TSC2: variants seen among roughly 807,000 people sequenced by gnomAD.
The protein encoded by TSC2 is TSC complex subunit 2.
TSC2 carries 29 observed loss-of-function variants against 202.2 expected under a neutral mutation model. That is an observed-to-expected ratio of 0.14 (90% confidence interval 0.11 to 0.20). The LOEUF is 0.20. Ranked by LOEUF, TSC2 falls within the 10% of genes least tolerant of loss-of-function variation. The probability of loss-of-function intolerance (pLI) is 1.00; values close to 1 mark genes in which losing one functional copy is unlikely to be tolerated. For synonymous variants in TSC2, 1,349 were observed against 1,044.0 expected, an observed-to-expected ratio of 1.29 and a Z score of -5.63; for missense variants, 2,429 against 2,420.0, an observed-to-expected ratio of 1.00 and a Z score of -0.08.
rs916478171 is a variant in TSC2, at chr16:2,079,727, G to C, written c.3397+58G>C. 2.0e-6 allele frequency: 3 copies of C among 1,516,800 alleles called. No homozygotes were observed. The African/African-American group carries it at 4.1e-5, about 21-fold the overall frequency. The allele number at this position is 1,516,800 out of a possible 1,614,324, so 94.0% of individuals were successfully genotyped here. A position where few individuals can be genotyped will look rare whatever the true frequency, so the allele number is the denominator to read the frequency against. On this transcript the variant is annotated intron_variant, in intron 29 of 41. Coordinates refer to ENST00000219476, the MANE Select transcript of TSC2 (RefSeq NM_000548.5). The surrounding 1 kb of genome is among the most constrained non-coding windows in gnomAD (Gnocchi z 4.6). Reference sequence around the variant, plus strand: ...CACCGGGGCTCCCTCAGTTGCTGCTGGTCCCAGTGTTCAGGAAGGCCCCGA... The same window carrying C: ...CACCGGGGCTCCCTCAGTTGCTGCTCGTCCCAGTGTTCAGGAAGGCCCCGA...
At chr16:2,083,259 G>T (rs1454210454) in intron 32 of TSC2, 1 of 461,900 alleles carries the variant, frequency 2.2e-6, no homozygotes, top group Non-Finnish European at 4.3e-6. Flanking sequence ...TGGAGGGTGA[G>T]CCTCTGCTCT....
intron 16 of TSC2, chr16:2,066,154 C>T (rs1404943606): frequency 6.4e-6 from 1 of 155,358 alleles, no homozygotes; most frequent in Non-Finnish European, 1.4e-5. Flanking sequence ...GCTCCCGTAC[C>T]CCCGGGTACC....
chr16:2,080,697 G>A (rs983649972), intron 30 of TSC2: 10 of 348,434 alleles, frequency 2.9e-5, no homozygotes, highest in East Asian at 6.4e-5. Context: ...TGTTAGCCAG[G>A]ATGGTCTCAA....
intron 36 of TSC2, among the ~76,000 whole-genome samples, chr16:2,085,848 CAGTG>C (rs1267222463): frequency 3.3e-5 from 5 of 152,154 alleles, no homozygotes; most frequent in African/African-American, 4.8e-5. Flanking sequence ...CGCCCAGTCT[CAGTG>C]AGTCCCTCCT....
At position 2,054,331 on chromosome 16, in the gene TSC2, T is replaced by C. The variant is rs753922923; in HGVS notation, c.372T>C (p.Phe124=). The C allele has an allele frequency of 4.3e-6, 7 of 1,614,190 alleles. No individual in the cohort carries two copies. The highest frequency in any genetic ancestry group is 5.9e-6 in the Non-Finnish European group (7 of 1,180,026). ...ERLGVLRALF[F]KVIKDYPSNE... is the part of the protein sequence containing the mutation. ...TGGGGGTCCTCAGAGCCCTCTTCTT[T>C]AAGGTCATCAAGGATTACCCTTCCA... is the stretch of plus-strand genomic sequence containing the variant. Residue 124 remains phenylalanine, a synonymous_variant, in exon 5 of 42, where the codon TTT becomes TTC. Transcript: ENST00000219476.
At position 2,064,523 on chromosome 16, in the gene TSC2, G is replaced by A. The variant is rs574128465; in HGVS notation, c.1599+96G>A. 8.1e-5 allele frequency: 128 copies of A among 1,578,298 alleles called. No individual in the cohort carries two copies. The Middle Eastern group carries it at 1.4e-3, about 17-fold the overall frequency. ...CCTCTGTCCTCCTCTTCGAGTGACC[G>A]GATGGCTGTGTCCGTAGGTGAGGCT... is the stretch of plus-strand genomic sequence containing the variant. On this transcript the variant is annotated intron_variant, in intron 15 of 41. Transcript: ENST00000219476.
chr16:2,048,824 A>T (rs987776410), intron 2 of TSC2, 71 bp downstream of exon 2: 2 of 1,607,694 alleles, frequency 1.2e-6, no homozygotes, highest in African/African-American at 2.7e-5. Flanking sequence ...GTCTTGCACC[A>T]GGTTCTGTGG....
At chr16:2,054,569 C>T in intron 5 of TSC2, 129 bp downstream of exon 5, 1 of 1,364,816 alleles carries the variant, frequency 7.3e-7, no homozygotes, top group Middle Eastern at 2.5e-4. Flanking sequence ...GCCCACCCTG[C>T]TTCATGCACC....
Position 2,074,274 on chromosome 16 carries a change from C to G in TSC2, c.2430C>G (p.Ile810Met), listed in dbSNP as rs2088924660. 6.2e-7 allele frequency: 1 copy of G among 1,613,216 alleles called. No homozygotes were observed. Among genetic ancestry groups the G allele is most frequent in the Non-Finnish European group, 8.5e-7 (1 of 1,180,040 alleles). ...CASQCVVALS[I>M]CSVEMPDIII... is the part of the protein sequence containing the mutation. The stretch of plus-strand genomic sequence containing the variant: ...GCCAGTGCGTCGTGGCCTTGTCCAT[C>G]TGCAGCGTGGAGATGCCTGACATCA... Residue 810 changes from isoleucine (I) to methionine (M), a missense_variant, in exon 22 of 42, where the codon ATC becomes ATG. By Grantham distance (10) the Ile-to-Met change is conservative (BLOSUM62 1). Transcript: ENST00000219476.
chr16:2,048,927 A>G (rs2084724823), intron 2 of TSC2, among the ~76,000 whole-genome samples, 174 bp downstream of exon 2: 1 of 152,178 alleles, frequency 6.6e-6, no homozygotes, highest in Non-Finnish European at 1.5e-5. Context: ...GAAAGTCAGG[A>G]TCTTGGTGAC....
At chr16:2,087,324 G>A (rs1321775350) in intron 38 of TSC2, 1 of 335,222 alleles carries the variant, frequency 3.0e-6, no homozygotes, top group Non-Finnish European at 5.8e-6. Flanking sequence ...GGCGGGGAGA[G>A]CTGGCATGGC....
At position 2,070,541 on chromosome 16, in the gene TSC2, G is replaced by T; in HGVS notation, c.1802G>T (p.Ser601Ile). The T allele has an allele frequency of 1.9e-6, 3 of 1,613,270 alleles. No individual in the cohort carries two copies. The highest frequency in any genetic ancestry group is 2.5e-6 in the Non-Finnish European group (3 of 1,180,036). The change falls in exon 17 of 42, where the codon AGC becomes ATC. Residue 601 changes from serine to isoleucine, a missense_variant. Transcript: ENST00000219476. ...CACATTCAGCTCCACTACAAGCACA[G>T]CTACACCCTGCCAATCGCGAGCAGC... ...VSHIQLHYKHSYTLPIASSIR... is the reference protein window; with the variant it reads ...VSHIQLHYKHIYTLPIASSIR...
At position 2,084,568 on chromosome 16, in the gene TSC2, C is replaced by A. The variant is rs759004251; in HGVS notation, c.4346C>A (p.Ser1449Tyr). ...CCCGAGGGTCCCTTGCCTTCCAGCT[C>A]CCCCCGCTCGCCCAGTGGCCTCCGG... ...GQPEGPLPSS[S>Y]PRSPSGLRPR... Residue 1449 changes from serine to tyrosine, a missense_variant, in exon 34 of 42, where the codon TCC (serine) becomes TAC (tyrosine). By Grantham distance (144) the Ser-to-Tyr change is moderately radical. Coordinates refer to ENST00000219476, the MANE Select transcript of TSC2 (RefSeq NM_000548.5). 1 of 1,607,620 alleles carries A rather than the reference C, an allele frequency of 6.2e-7. No homozygotes were observed. The highest frequency in any genetic ancestry group is 1.7e-5 in the Admixed American group (1 of 59,958).
In TSC2 at chr16:2,088,505, T is replaced by C. The variant is rs536518032; in HGVS notation, c.5319T>C (p.His1773=). Residue 1773 remains histidine, a synonymous_variant, in exon 42 of 42, where the codon CAT becomes CAC. Transcript: ENST00000219476. ...TACCTCTGGTGCACCCTCCGTCCCA[T>C]AGCAAAGCCCCTGCACAGACTCCAG... is the stretch of plus-strand genomic sequence containing the variant. ...PSLPLVHPPS[H]SKAPAQTPAE... The C allele has an allele frequency of 2.9e-5, 47 of 1,612,526 alleles. No homozygotes were observed. In the East Asian group the frequency reaches 8.0e-4, roughly 28 times the overall value.
At chr16:2,071,004 G>A (rs1214015064) in intron 17 of TSC2, among the ~76,000 whole-genome samples, 1 of 152,174 alleles carries the variant, frequency 6.6e-6, no homozygotes, top group Non-Finnish European at 1.5e-5. Flanking sequence ...GCAGGGATGG[G>A]CAGAACAGGG....
At chr16:2,072,518 C>A in intron 20 of TSC2, 155 bp downstream of exon 20, 1 of 1,261,470 alleles carries the variant, frequency 7.9e-7, no homozygotes, top group South Asian at 1.4e-5. Flanking sequence ...GTGCCTTGGG[C>A]AGGGTGGAGG....
chr16:2,063,828 C>G, intron 14 of TSC2: 1 of 272,088 alleles, frequency 3.7e-6, no homozygotes, highest in Non-Finnish European at 7.2e-6. Context: ...TCTGTGAAAA[C>G]TCACGCTGTC....
intron 17 of TSC2, 67 bp from the exon 18 acceptor site, chr16:2,071,443 G>A: frequency 6.3e-7 from 1 of 1,575,880 alleles, no homozygotes; most frequent in Middle Eastern, 1.7e-4. Context: ...GTCTGAGCAG[G>A]TGGGACGCCG....
chr16:2,066,958 G>A (rs762898831), intron 16 of TSC2, among the ~76,000 whole-genome samples: 4 of 152,126 alleles, frequency 2.6e-5, no homozygotes, highest in East Asian at 1.9e-4. Context: ...CACCACGCCC[G>A]GCCTGCCTCT....
Sources: gnomAD v4.1 joint callset for allele counts (sites outside exome capture counted in the v4.1 genomes callset) on GRCh38, gnomAD v4.1.1 for gene constraint, Gnocchi (gnomAD v3.1) non-coding constraint, MANE v1.5 for transcripts, NCBI Gene and HGNC (gene_info 2026-07-23, HGNC 2026-07-21) for gene names.